Variants in CDH13 observed in about 807,000 individuals in gnomAD.
CDH13 encodes the protein cadherin-13.
Under a neutral mutation model 63.8 loss-of-function variants are expected in CDH13, and 24 were observed. The observed-to-expected ratio is 0.38, with a 90% CI of 0.27 to 0.53. The LOEUF (loss-of-function observed/expected upper bound fraction) is 0.53. Ranked by LOEUF, CDH13 falls within the 20% of genes least tolerant of loss-of-function variation. The pLI is 0.85. For synonymous variants in CDH13, 503 were observed against 355.3 expected, an observed-to-expected ratio of 1.42 and a Z score of -4.67; for missense variants, 1,049 against 903.1, an observed-to-expected ratio of 1.16 and a Z score of -2.07.
chr16:82,776,262 G>A (rs983882864), intron 1 of CDH13, among the ~76,000 whole-genome samples: 1 of 150,670 alleles, frequency 6.6e-6, no homozygotes, highest in African/African-American at 2.4e-5. Flanking sequence ...AGGGAGGGAG[G>A]GAGGAGAGGG....
At chr16:83,135,807 G>C (rs1362766404) in intron 4 of CDH13, among the ~76,000 whole-genome samples, 1 of 152,158 alleles carries the variant, frequency 6.6e-6, no homozygotes, top group East Asian at 1.9e-4. Flanking sequence ...AAGAAACTGT[G>C]ACATATGTAT....
At chr16:83,107,915 A>G (rs113205993) in intron 3 of CDH13, among the ~76,000 whole-genome samples, 16,316 of 151,510 alleles carry the variant, frequency 0.11, 1,057 homozygotes, top group African/African-American at 0.18. Flanking sequence ...CGCCTGCTGG[A>G]TTCAAGCAAT....
At chr16:83,477,497 A>C (rs537109258) in intron 6 of CDH13, among the ~76,000 whole-genome samples, 2 of 152,086 alleles carry the variant, frequency 1.3e-5, no homozygotes, top group Non-Finnish European at 2.9e-5. Context: ...GCACTTCCTC[A>C]CCTCAAACCT....
chr16:83,603,461 A>C (rs1462696001), intron 8 of CDH13, among the ~76,000 whole-genome samples: 1 of 152,224 alleles, frequency 6.6e-6, no homozygotes, highest in Non-Finnish European at 1.5e-5. Context: ...TGTGATGCTC[A>C]GAGAATCCAG....
At chr16:83,031,396 A>ATG (rs1425646927) in intron 2 of CDH13, among the ~76,000 whole-genome samples, 1,489 of 144,732 alleles carry the variant, frequency 0.01, 104 homozygotes, top group Non-Finnish European at 0.016. Context: ...ATGTATATAC[A>ATG]TATACATGTA....
chr16:82,704,022 C>T (rs1271830758), intron 1 of CDH13, among the ~76,000 whole-genome samples: 16 of 152,166 alleles, frequency 1.1e-4, no homozygotes, highest in Admixed American at 1.0e-3. Flanking sequence ...TCTCCAGCCC[C>T]TCCTTTGCAA....
At chr16:82,695,544 C>T (rs952057413) in intron 1 of CDH13, among the ~76,000 whole-genome samples, 4 of 152,136 alleles carry the variant, frequency 2.6e-5, no homozygotes, top group African/African-American at 4.8e-5. Flanking sequence ...CTGCTCCTAA[C>T]GTAGCTTTGG....
intron 10 of CDH13, among the ~76,000 whole-genome samples, chr16:83,730,781 G>C (rs381037): frequency 6.6e-6 from 1 of 152,028 alleles, no homozygotes; most frequent in African/African-American, 2.4e-5. Context: ...AGTGTGCATA[G>C]TACCCGATAG....
At position 83,087,083 on chromosome 16, in the gene CDH13, G is replaced by C. The variant is rs184247871; in HGVS notation, c.367-38302G>C. On this transcript the variant is annotated intron_variant, in intron 3 of 13. Coordinates refer to ENST00000567109, the MANE Select transcript of CDH13 (RefSeq NM_001257.5). ...AGTTGCCATTGGTAAAATTTAACTT[G>C]GCAAAAAACAATCAATGAACCAAAT... 1.2e-4 allele frequency among the ~76,000 whole-genome samples: 19 copies of C among 152,104 alleles called. No individual in the cohort carries two copies. In the East Asian group the frequency reaches 1.9e-3, roughly 15 times the overall value.
chr16:83,289,711 G>A (rs981994951), intron 5 of CDH13, among the ~76,000 whole-genome samples: 10 of 152,120 alleles, frequency 6.6e-5, no homozygotes, highest in African/African-American at 1.2e-4. Context: ...GCTTGGGTAC[G>A]TGGTTTAGCT....
chr16:82,833,156 G>C (rs570611657), intron 1 of CDH13, among the ~76,000 whole-genome samples: 2 of 152,190 alleles, frequency 1.3e-5, no homozygotes, highest in East Asian at 3.9e-4. Context: ...CAAGAGCCTT[G>C]TGTAAGTCAT....
chr16:83,056,430 G>A (rs938460908), intron 3 of CDH13, among the ~76,000 whole-genome samples: 1 of 151,606 alleles, frequency 6.6e-6, no homozygotes, highest in Non-Finnish European at 1.5e-5. Context: ...ATAAATTTTG[G>A]CACATATATC....
intron 1 of CDH13, among the ~76,000 whole-genome samples, chr16:82,828,199 G>A (rs1489100805): frequency 6.6e-6 from 1 of 152,162 alleles, no homozygotes; most frequent in East Asian, 1.9e-4. Context: ...AGAGGGCAAG[G>A]GTTAGAGAAA....
At chr16:82,677,760 G>A (rs10514554) in intron 1 of CDH13, among the ~76,000 whole-genome samples, 8,770 of 152,136 alleles carry the variant, frequency 0.058, 311 homozygotes, top group Middle Eastern at 0.16. Context: ...AATGTTTTCA[G>A]TTCTACAATC....
rs1567617770 is a variant in CDH13 at position 82,871,307 on chromosome 16, G to A, written c.157+12834G>A. 7.9e-5 allele frequency among the ~76,000 whole-genome samples: 12 copies of A among 152,178 alleles called. No individual in the cohort carries two copies. The South Asian group carries it at 2.5e-3, about 31-fold the overall frequency. ...TCTGGAAGTTCAGAATAGGAGGAAGGTGAAAAGGATGAGTGGGCATGGCTC... is the reference window on the plus strand; with the variant it reads ...TCTGGAAGTTCAGAATAGGAGGAAGATGAAAAGGATGAGTGGGCATGGCTC... On this transcript the variant is annotated intron_variant, in intron 2 of 13. Coordinates refer to ENST00000567109, the MANE Select transcript of CDH13 (RefSeq NM_001257.5).
At chr16:82,925,337 A>C (rs948050784) in intron 2 of CDH13, among the ~76,000 whole-genome samples, 8 of 152,202 alleles carry the variant, frequency 5.3e-5, no homozygotes, top group African/African-American at 1.9e-4. Flanking sequence ...GATAATTGCC[A>C]GTTGAGTGTG....
intron 2 of CDH13, among the ~76,000 whole-genome samples, chr16:83,024,852 A>G (rs1412609570): frequency 6.6e-6 from 1 of 152,180 alleles, no homozygotes; most frequent in African/African-American, 2.4e-5. Context: ...TTCCTTCACA[A>G]CTGTTCACAT....
intron 13 of CDH13, among the ~76,000 whole-genome samples, chr16:83,789,355 G>T (rs374934124): frequency 0.17 from 16,227 of 96,686 alleles, 1,311 homozygotes; most frequent in African/African-American, 0.31. Context: ...TTGTTTGTCT[G>T]TTTTGTTTTA....
At chr16:82,743,394 A>T (rs943893234) in intron 1 of CDH13, among the ~76,000 whole-genome samples, 1 of 151,934 alleles carries the variant, frequency 6.6e-6, no homozygotes, top group African/African-American at 2.4e-5. Flanking sequence ...CACCTGGCTA[A>T]TTTTTGCATT....
Sources: gnomAD v4.1 joint callset for allele counts (sites outside exome capture counted in the v4.1 genomes callset) on GRCh38, gnomAD v4.1.1 for gene constraint, MANE v1.5 for transcripts, NCBI Gene and HGNC (gene_info 2026-07-23, HGNC 2026-07-21) for gene names.